The following WDR7 variants were observed in gnomAD, a reference collection of about 807,000 sequenced individuals.
WDR7 encodes the protein WD repeat-containing protein 7.
A neutral mutation model predicts 169.4 loss-of-function variants in WDR7; 46 were observed. The observed-to-expected ratio is 0.27, with a 90% CI of 0.21 to 0.35. The LOEUF (loss-of-function observed/expected upper bound fraction) is 0.35, where lower values mean the gene tolerates loss of function less well. Among genes scored for constraint, WDR7 ranks in the 10% least tolerant of loss-of-function variants. The pLI, the probability that WDR7 is intolerant of heterozygous loss-of-function variation, is 1.00. For missense variants in WDR7, 1,534 were observed against 1,859.3 expected (o/e 0.83, Z 3.22); for synonymous variants, 612 against 666.8 (o/e 0.92, Z 1.27).
At chr18:56,771,988 G>A (rs749966699) in intron 16 of WDR7, among the ~76,000 whole-genome samples, 1 of 147,618 alleles carries the variant, frequency 6.8e-6, no homozygotes, top group Non-Finnish European at 1.5e-5. Context: ...TTGAGACCAG[G>A]TGGTTGAAGC....
downstream of WDR7, chr18:57,030,101 G>T (rs2048428238): frequency 6.6e-6 from 1 of 152,182 alleles, no homozygotes; most frequent in African/African-American, 2.4e-5. Flanking sequence ...AGATTGGATG[G>T]CATGGGTTGG....
chr18:56,779,465 G>C lies in WDR7; in HGVS notation c.2982G>C (p.Met994Ile), dbSNP rs370112032. 164 of 1,613,742 alleles carry C rather than the reference G, an allele frequency of 1.0e-4. 1 individual carries two copies. The highest frequency in any genetic ancestry group is 8.2e-4 in the Middle Eastern group (5 of 6,084). Reference protein sequence around the residue: ...WSQLAAMHCVMLPDLLGLDKF... With the variant: ...WSQLAAMHCVILPDLLGLDKF... The stretch of plus-strand genomic sequence containing the variant: ...AGTTAGCTGCTATGCACTGTGTTAT[G>C]CTGCCAGACCTACTGGGATTGGATA... Residue 994 changes from methionine (M) to isoleucine (I), a missense_variant, in exon 18 of 28, where the codon ATG (methionine) becomes ATC (isoleucine). Transcript: ENST00000254442.
intron 21 of WDR7, among the ~76,000 whole-genome samples, chr18:56,898,347 C>T (rs776275989): frequency 1.3e-5 from 2 of 151,904 alleles, no homozygotes; most frequent in Admixed American, 6.6e-5. Flanking sequence ...CTTTATTAGG[C>T]GAAGATCACA....
intron 26 of WDR7, among the ~76,000 whole-genome samples, chr18:57,001,020 T>A: frequency 6.6e-6 from 1 of 150,490 alleles, no homozygotes. Flanking sequence ...CAACATAGTG[T>A]AAAACCATGA....
At chr18:56,749,689 TA>T (rs1365685895) in intron 14 of WDR7, among the ~76,000 whole-genome samples, 2 of 151,938 alleles carry the variant, frequency 1.3e-5, no homozygotes, top group Non-Finnish European at 2.9e-5. Flanking sequence ...ACTGTAATAT[TA>T]AAAAATGATT....
chr18:56,938,973 G>A (rs1787469), intron 24 of WDR7, among the ~76,000 whole-genome samples: 1,617 of 152,056 alleles, frequency 0.011, 33 homozygotes, highest in African/African-American at 0.037. Context: ...GTAAAGGTCT[G>A]TAATATGTAA....
intron 20 of WDR7, among the ~76,000 whole-genome samples, chr18:56,876,975 G>T (rs966162210): frequency 2.6e-5 from 4 of 152,070 alleles, no homozygotes; most frequent in Non-Finnish European, 5.9e-5. Flanking sequence ...TTGTGGCCAG[G>T]AGTACAAGAC....
chr18:56,748,068 T>G (rs535266951), intron 14 of WDR7, among the ~76,000 whole-genome samples: 1 of 152,336 alleles, frequency 6.6e-6, no homozygotes, highest in South Asian at 2.1e-4. Flanking sequence ...TTGCATTTTC[T>G]TTCCTTCACT....
chr18:56,976,477 AAATT>A (rs2047567641), intron 26 of WDR7, among the ~76,000 whole-genome samples: 1 of 152,224 alleles, frequency 6.6e-6, no homozygotes, highest in African/African-American at 2.4e-5. Flanking sequence ...AAAAGGCTTT[AAATT>A]AATTTATTAT....
chr18:56,750,658 A>G (rs1278941833), intron 14 of WDR7, among the ~76,000 whole-genome samples: 2 of 152,224 alleles, frequency 1.3e-5, no homozygotes, highest in Non-Finnish European at 2.9e-5. Flanking sequence ...GATAGTCCGT[A>G]TTTGACATTG....
chr18:57,022,214 C>A (rs1185626536), intron 27 of WDR7, among the ~76,000 whole-genome samples: 1 of 152,236 alleles, frequency 6.6e-6, no homozygotes, highest in African/African-American at 2.4e-5. Context: ...AAGGATTTTA[C>A]CTACTGATTT....
chr18:57,022,769 C>T (rs2048309276), intron 27 of WDR7, among the ~76,000 whole-genome samples: 2 of 152,238 alleles, frequency 1.3e-5, no homozygotes, highest in South Asian at 2.1e-4. Flanking sequence ...ACTTAGAGAC[C>T]AAGCTCGTTT....
At chr18:56,666,201 C>CTTTTTT (rs71169386) in intron 1 of WDR7, among the ~76,000 whole-genome samples, 1,574 of 100,786 alleles carry the variant, frequency 0.016, 42 homozygotes, top group Middle Eastern at 0.023. Context: ...ATTCCTTCGT[C>CTTTTTT]TTTTTTTTTT....
intron 14 of WDR7, among the ~76,000 whole-genome samples, chr18:56,745,705 C>T (rs1027757432): frequency 6.6e-6 from 1 of 151,916 alleles, no homozygotes; most frequent in African/African-American, 2.4e-5. Flanking sequence ...GGTTGGGGAC[C>T]CTTGTTCTAG....
chr18:56,928,106 A>T (rs1298363072), intron 22 of WDR7, among the ~76,000 whole-genome samples: 1 of 152,182 alleles, frequency 6.6e-6, no homozygotes, highest in Non-Finnish European at 1.5e-5. Flanking sequence ...GGAAAATGCT[A>T]TTTTTAGCTA....
At position 56,960,335 on chromosome 18, in the gene WDR7, A is replaced by G. The variant is rs143497857; in HGVS notation, c.4065-2095A>G. On this transcript the variant is annotated intron_variant, in intron 25 of 27. Transcript: ENST00000254442. ...TCAGATTCTAGTTTCACTAAGTAAG[A>G]TTTTGTCAACACAAGTATATCTTAC... Among the ~76,000 whole-genome samples, 528 of 152,268 alleles carry G rather than the reference A, an allele frequency of 3.5e-3. 3 individuals are homozygous for G. Among genetic ancestry groups the G allele is most frequent in the African/African-American group, 0.012 (505 of 41,568 alleles).
rs923952329 is a variant in WDR7, at chr18:56,690,249, A to G, written c.718-967A>G. The stretch of plus-strand genomic sequence containing the variant: ...TTTCTTGTCTGTAAACTGGAATAGT[A>G]ACATCTGCGGTGATTCTCAGGGTCA... On this transcript the variant is annotated intron_variant, in intron 7 of 27. Coordinates refer to ENST00000254442, the MANE Select transcript of WDR7 (RefSeq NM_015285.3). Among the ~76,000 whole-genome samples the G allele has an allele frequency of 3.3e-5, 5 of 152,316 alleles. No homozygotes were observed. The South Asian group carries it at 6.2e-4, about 19-fold the overall frequency.
At position 56,685,636 on chromosome 18, in the gene WDR7, A is replaced by G. The variant is rs1205414032; in HGVS notation, c.521-320A>G. ...TTGAGCTCATCCATGATAAAGAATT[A>G]GAAGTTGTAAATTTTGAAGTGTATA... On this transcript the variant is annotated intron_variant, in intron 5 of 27. Coordinates refer to ENST00000254442, the MANE Select transcript of WDR7 (RefSeq NM_015285.3). Among the ~76,000 whole-genome samples, 8 of 152,352 alleles carry G rather than the reference A, an allele frequency of 5.3e-5. No individual in the cohort carries two copies. The East Asian group carries it at 1.5e-3, about 29-fold the overall frequency.
intron 15 of WDR7, 45 bp downstream of exon 15, chr18:56,757,397 G>A: frequency 6.8e-7 from 1 of 1,478,074 alleles, no homozygotes; most frequent in Non-Finnish European, 9.0e-7. Flanking sequence ...TTCAAAAAAA[G>A]AAACCTGTTT....
Sources: gnomAD v4.1 joint callset for allele counts (sites outside exome capture counted in the v4.1 genomes callset) on GRCh38, gnomAD v4.1.1 for gene constraint, MANE v1.5 for transcripts, NCBI Gene and HGNC (gene_info 2026-07-23, HGNC 2026-07-21) for gene names.